KLHL1: variants seen among roughly 807,000 people sequenced by gnomAD.
KLHL1 encodes kelch-like protein 1.
Under a neutral mutation model 77.7 loss-of-function variants are expected in KLHL1, and 47 were observed. The observed-to-expected ratio is 0.60, with a 90% CI of 0.48 to 0.77. The LOEUF is 0.77. Among genes scored for constraint, KLHL1 ranks in the 30% least tolerant of loss-of-function variants. The pLI, the probability that KLHL1 is intolerant of heterozygous loss-of-function variation, is 0.00. For synonymous variants in KLHL1, 360 were observed against 325.2 expected (o/e 1.11, Z -1.15); for missense variants, 925 against 910.8 (o/e 1.02, Z -0.20).
At chr13:69,785,048 C>T (rs1371622097) in intron 7 of KLHL1, among the ~76,000 whole-genome samples, 1 of 151,494 alleles carries the variant, frequency 6.6e-6, no homozygotes, top group African/African-American at 2.4e-5. Flanking sequence ...CGCCACTACG[C>T]CCGGCTAATT....
intron 7 of KLHL1, among the ~76,000 whole-genome samples, chr13:69,741,285 AATAT>A (rs1202965114): frequency 6.6e-6 from 1 of 152,072 alleles, no homozygotes; most frequent in Non-Finnish European, 1.5e-5. Flanking sequence ...ACAGTTGCTA[AATAT>A]TTAAATATAA....
chr13:69,819,096 A>G (rs1878238868), intron 6 of KLHL1, among the ~76,000 whole-genome samples: 1 of 152,204 alleles, frequency 6.6e-6, no homozygotes, highest in African/African-American at 2.4e-5. Flanking sequence ...GCTGTTCTTT[A>G]AAAGATCCTG....
chr13:69,766,666 C>T (rs547015026), intron 7 of KLHL1, among the ~76,000 whole-genome samples: 240 of 152,124 alleles, frequency 1.6e-3, no homozygotes, highest in South Asian at 3.3e-3. Flanking sequence ...AGTAGATTTT[C>T]CCATATTTCA....
chr13:69,794,842 T>C (rs1313531986), intron 7 of KLHL1, among the ~76,000 whole-genome samples: 2 of 152,142 alleles, frequency 1.3e-5, no homozygotes, highest in Non-Finnish European at 2.9e-5. Context: ...GGCTGAATAT[T>C]AAAGTTACCT....
At chr13:69,778,616 A>C (rs1875956251) in intron 7 of KLHL1, among the ~76,000 whole-genome samples, 1 of 152,080 alleles carries the variant, frequency 6.6e-6, no homozygotes, top group African/African-American at 2.4e-5. Flanking sequence ...TGTGGTATAA[A>C]ATTTTGCCTC....
intron 7 of KLHL1, among the ~76,000 whole-genome samples, chr13:69,781,474 T>C (rs1034052971): frequency 1.3e-5 from 2 of 152,110 alleles, no homozygotes; most frequent in Admixed American, 6.5e-5. Context: ...TGAAGCATGC[T>C]TTCATTATTT....
At chr13:69,857,200 C>T (rs535579092) in intron 5 of KLHL1, among the ~76,000 whole-genome samples, 2 of 152,142 alleles carry the variant, frequency 1.3e-5, no homozygotes, top group Admixed American at 6.6e-5. Context: ...TTATGCTGCA[C>T]TGAATTTGCT....
At chr13:69,949,074 T>C (rs565897915) in intron 3 of KLHL1, among the ~76,000 whole-genome samples, 1 of 152,016 alleles carries the variant, frequency 6.6e-6, no homozygotes, top group African/African-American at 2.4e-5. Flanking sequence ...CGATTTTCCA[T>C]ATGACATATA....
rs75848825 is a variant in KLHL1 at position 70,035,346 on chromosome 13, C to T, written c.498-59544G>A. Among the ~76,000 whole-genome samples, 66 of 152,154 alleles carry T rather than the reference C, an allele frequency of 4.3e-4. No individual in the cohort carries two copies. The East Asian group carries it at 9.7e-3, about 22-fold the overall frequency. On this transcript the variant is annotated intron_variant, in intron 1 of 10. Transcript: ENST00000377844. ...AAGACAGGCACAGAAAAACAAACTT[C>T]ATATGTTCTCAATTGTTTGTGGGAG...
chr13:70,064,187 G>T (rs771563298), intron 1 of KLHL1, among the ~76,000 whole-genome samples: 1 of 152,032 alleles, frequency 6.6e-6, no homozygotes, highest in African/African-American at 2.4e-5. Context: ...TGGCCAGTTA[G>T]AAGAACAAAA....
intron 1 of KLHL1, among the ~76,000 whole-genome samples, chr13:69,987,371 T>TTA (rs1156531051): frequency 6.6e-6 from 1 of 152,056 alleles, no homozygotes; most frequent in Non-Finnish European, 1.5e-5. Flanking sequence ...AGAGAGAAAC[T>TTA]CATAGAACCT....
chr13:69,885,442 C>T, intron 4 of KLHL1, among the ~76,000 whole-genome samples: 1 of 150,058 alleles, frequency 6.7e-6, no homozygotes, highest in Admixed American at 6.6e-5. Context: ...TTTTTCTTTA[C>T]ACTTCATTGA....
intron 6 of KLHL1, among the ~76,000 whole-genome samples, chr13:69,811,992 G>C (rs1877901910): frequency 6.6e-6 from 1 of 152,108 alleles, no homozygotes; most frequent in Non-Finnish European, 1.5e-5. Context: ...TAATTGTGAT[G>C]TTAGGGTGTC....
intron 7 of KLHL1, among the ~76,000 whole-genome samples, chr13:69,781,482 T>C (rs1876205878): frequency 6.6e-6 from 1 of 152,118 alleles, no homozygotes; most frequent in African/African-American, 2.4e-5. Flanking sequence ...GCTTTCATTA[T>C]TTTCTAGCAC....
At chr13:69,773,779 C>G (rs1875690606) in intron 7 of KLHL1, among the ~76,000 whole-genome samples, 1 of 151,414 alleles carries the variant, frequency 6.6e-6, no homozygotes, top group African/African-American at 2.4e-5. Flanking sequence ...TTCTGTTGCT[C>G]TATTACATGC....
chr13:69,924,002 G>A (rs894102060), intron 4 of KLHL1, among the ~76,000 whole-genome samples: 12 of 152,218 alleles, frequency 7.9e-5, no homozygotes, highest in Non-Finnish European at 1.3e-4. Flanking sequence ...GAACACAGTT[G>A]AGGCTAAGCC....
chr13:70,055,553 T>A (rs1886724816), intron 1 of KLHL1, among the ~76,000 whole-genome samples: 1 of 152,032 alleles, frequency 6.6e-6, no homozygotes, highest in South Asian at 2.1e-4. Context: ...TAACTAGTAA[T>A]ATCGTGAGTA....
intron 5 of KLHL1, among the ~76,000 whole-genome samples, chr13:69,881,833 T>G (rs1881002909): frequency 6.6e-6 from 1 of 152,164 alleles, no homozygotes; most frequent in Non-Finnish European, 1.5e-5. Context: ...CTGCAGAGGT[T>G]GAAATACCAT....
intron 2 of KLHL1, among the ~76,000 whole-genome samples, chr13:69,964,713 T>C (rs1453233734): frequency 6.6e-6 from 1 of 152,166 alleles, no homozygotes; most frequent in African/African-American, 2.4e-5. Context: ...CTTTAATTTC[T>C]AATCACTTGA....
Sources: allele counts gnomAD v4.1 joint callset (sites outside exome capture counted in the v4.1 genomes callset), GRCh38; gene constraint gnomAD v4.1.1; transcripts MANE v1.5; gene names NCBI Gene and HGNC (gene_info 2026-07-23, HGNC 2026-07-21).